Variants in PLSCR5 observed in about 807,000 individuals in gnomAD.
The protein encoded by PLSCR5 is phospholipid scramblase family, member 5.
Under a neutral mutation model 33.6 loss-of-function variants are expected in PLSCR5, and 44 were observed. The observed-to-expected ratio is 1.31, with a 90% CI of 1.03 to 1.69. The LOEUF is 1.69. Among genes scored for constraint, PLSCR5 ranks in the 40% most tolerant of loss-of-function variants. PLSCR5 has a pLI of 0.00. For synonymous variants in PLSCR5, 148 were observed against 112.3 expected (o/e 1.32, Z -2.01); for missense variants, 375 against 318.7 (o/e 1.18, Z -1.34).
downstream of PLSCR5, among the ~76,000 whole-genome samples, chr3:146,582,698 T>C (rs1381665021): frequency 2.6e-5 from 4 of 152,140 alleles, no homozygotes; most frequent in African/African-American, 9.7e-5. Flanking sequence ...CAAAACTGTC[T>C]CTATAAATCT....
downstream of PLSCR5, among the ~76,000 whole-genome samples, chr3:146,583,492 G>A (rs943624720): frequency 2.0e-5 from 3 of 152,126 alleles, no homozygotes; most frequent in Admixed American, 6.5e-5. Context: ...TCCTGGTCTA[G>A]AGCTGCATGC....
At chr3:146,585,450 A>T (rs1489724991), downstream of PLSCR5, among the ~76,000 whole-genome samples, 3 of 152,094 alleles carry the variant, frequency 2.0e-5, no homozygotes, top group Non-Finnish European at 4.4e-5. Context: ...GCCTCTTACC[A>T]CTAGAATGAA....
chr3:146,602,568 A>G (rs2044827087), intron 1 of PLSCR5, among the ~76,000 whole-genome samples: 2 of 152,060 alleles, frequency 1.3e-5, no homozygotes, highest in South Asian at 2.1e-4. Context: ...TTTAAAAATC[A>G]TGGAGCCTAG....
chr3:146,603,083 A>G (rs2044833109), intron 1 of PLSCR5, among the ~76,000 whole-genome samples: 1 of 152,142 alleles, frequency 6.6e-6, no homozygotes, highest in Non-Finnish European at 1.5e-5. Context: ...CTACTAAGCC[A>G]GGATGCTCCA....
downstream of PLSCR5, among the ~76,000 whole-genome samples, chr3:146,584,006 A>AT (rs59384572): frequency 0.26 from 39,832 of 152,044 alleles, 5,225 homozygotes; most frequent in African/African-American, 0.28. Context: ...TAGGAAGAAA[A>AT]TTGGGACATG....
chr3:146,589,531 C>T, intron 6 of PLSCR5, 122 bp downstream of exon 6: 1 of 984,126 alleles, frequency 1.0e-6, no homozygotes, highest in Non-Finnish European at 1.4e-6. Flanking sequence ...CCTAAGCTAT[C>T]CTTCTATGAA....
chr3:146,598,919 T>C (rs1318830046), intron 2 of PLSCR5, among the ~76,000 whole-genome samples: 2 of 152,236 alleles, frequency 1.3e-5, no homozygotes, highest in Non-Finnish European at 2.9e-5. Flanking sequence ...CAGGAACATA[T>C]GCTGCGTGCA....
chr3:146,580,569 A>G (rs989753888), intron 7 of PLSCR5, among the ~76,000 whole-genome samples: 4 of 146,684 alleles, frequency 2.7e-5, no homozygotes, highest in South Asian at 2.1e-4. Context: ...GGTTCAAGCA[A>G]TTCTTCTACC....
At chr3:146,601,517 T>C (rs1258315981) in intron 1 of PLSCR5, among the ~76,000 whole-genome samples, 2 of 152,100 alleles carry the variant, frequency 1.3e-5, no homozygotes, top group Admixed American at 1.3e-4. Flanking sequence ...TATTTTCAAA[T>C]ATGAGAAGGG....
intron 6 of PLSCR5, among the ~76,000 whole-genome samples, chr3:146,587,090 C>T (rs1261776628): frequency 6.6e-6 from 1 of 151,994 alleles, no homozygotes; most frequent in Non-Finnish European, 1.5e-5. Flanking sequence ...TAGATCAGTG[C>T]TTCTTAAATT....
At chr3:146,600,964 T>C (rs2044808902) in intron 1 of PLSCR5, among the ~76,000 whole-genome samples, 1 of 147,968 alleles carries the variant, frequency 6.8e-6, no homozygotes, top group Admixed American at 6.8e-5. Flanking sequence ...TATATTTATA[T>C]ATATACTTAT....
chr3:146,596,953 C>T (rs1204085514), intron 2 of PLSCR5, among the ~76,000 whole-genome samples: 1 of 151,974 alleles, frequency 6.6e-6, no homozygotes. Flanking sequence ...TAGACCAAGT[C>T]TTTAGTAGTG....
chr3:146,594,988 C>A, intron 3 of PLSCR5, 53 bp downstream of exon 3: 2 of 1,160,620 alleles, frequency 1.7e-6, no homozygotes, highest in Non-Finnish European at 2.3e-6. Context: ...CTTCTGAAAA[C>A]TAAAATATTT....
chr3:146,586,143 T>C, intron 6 of PLSCR5, 31 bp from the exon 7 acceptor site: 2 of 1,436,936 alleles, frequency 1.4e-6, no homozygotes, highest in Non-Finnish European at 1.8e-6. Flanking sequence ...TATAAGTGAA[T>C]TTACAAAAAG....
At chr3:146,593,385 A>G (rs1427458151) in intron 4 of PLSCR5, among the ~76,000 whole-genome samples, 2 of 152,204 alleles carry the variant, frequency 1.3e-5, no homozygotes, top group African/African-American at 4.8e-5. Flanking sequence ...ACTAAATAAT[A>G]ACGTAAATCT....
chr3:146,603,114 A>G (rs755215798), intron 1 of PLSCR5, among the ~76,000 whole-genome samples: 10 of 152,138 alleles, frequency 6.6e-5, no homozygotes, highest in African/African-American at 1.4e-4. Flanking sequence ...ATGTCTCTTC[A>G]GTTCTAATGG....
chr3:146,577,715 T>TA (rs1464079490), intron 7 of PLSCR5, among the ~76,000 whole-genome samples: 2 of 152,124 alleles, frequency 1.3e-5, no homozygotes, highest in Non-Finnish European at 2.9e-5. Context: ...CTCAGTTTAT[T>TA]AAAAACATAA....
At position 146,594,129 on chromosome 3, in the gene PLSCR5, T is replaced by C. The variant is rs2044738898; in HGVS notation, c.244A>G (p.Thr82Ala). Residue 82 changes from threonine (T) to alanine (A), a missense_variant, in exon 4 of 8, where the codon ACT (threonine) becomes GCT (alanine). Transcript: ENST00000443512. ...ATCTCATATTTGTTGGAGGTCTCAG[T>C]ACCAAGTATCACTAATGGAACAAAA... ...QVELLGMILG[T>A]ETSNKYEIKN... 1.2e-6 allele frequency: 2 copies of C among 1,611,600 alleles called. No homozygotes were observed. The highest frequency in any genetic ancestry group is 1.7e-6 in the Non-Finnish European group (2 of 1,178,520).
intron 6 of PLSCR5, 164 bp downstream of exon 6, chr3:146,589,489 G>T (rs561557588): frequency 8.6e-6 from 5 of 583,588 alleles, no homozygotes; most frequent in African/African-American, 5.8e-5. Context: ...GAAATGCAGG[G>T]TTCTAAATTC....
Sources: allele counts gnomAD v4.1 joint callset (sites outside exome capture counted in the v4.1 genomes callset), GRCh38; gene constraint gnomAD v4.1.1; transcripts MANE v1.5; gene names NCBI Gene and HGNC (gene_info 2026-07-23, HGNC 2026-07-21).